SCN3A: variants seen among roughly 807,000 people sequenced by gnomAD.
SCN3A encodes the protein sodium channel protein type 3 subunit alpha.
In SCN3A, 60 loss-of-function variants were observed where a neutral mutation model predicts 187.6. That is an observed-to-expected ratio of 0.32 (90% CI 0.26 to 0.40). The LOEUF is 0.40. Among genes scored for constraint, SCN3A ranks in the 10% least tolerant of loss-of-function variants. The pLI, the probability that SCN3A is intolerant of heterozygous loss-of-function variation, is 1.00. For missense variants in SCN3A, 1,601 were observed against 2,428.2 expected, an observed-to-expected ratio of 0.66 and a Z score of 7.16; for synonymous variants, 788 against 829.2, an observed-to-expected ratio of 0.95 and a Z score of 0.85.
chr2:165,184,961 C>G (rs374838348), intron 2 of SCN3A, among the ~76,000 whole-genome samples: 2 of 151,654 alleles, frequency 1.3e-5, no homozygotes, highest in African/African-American at 2.4e-5. Flanking sequence ...GTTATTGTTC[C>G]GTTTCTATTA....
In SCN3A at chr2:165,140,745, C is replaced by T; in HGVS notation, c.1925G>A (p.Gly642Glu). The change falls in exon 13 of 28, where the codon GGG becomes GAG. Residue 642 changes from glycine to glutamate, a missense_variant. Around this residue, in one of 11 missense-constraint regions of SCN3A, gnomAD observed 376 missense variants for 476.0 expected, o/e 0.79. Coordinates refer to ENST00000283254, the MANE Select transcript of SCN3A (RefSeq NM_006922.4). The surrounding 1 kb of genome is among the most constrained non-coding windows in gnomAD (Gnocchi z 4.2). ...GCAATCCACAGTGCTGTGCATCTTC[C>T]CATTTGCTGGAAGCCCTGGCACCAT... The part of the protein sequence containing the change: ...SRMVPGLPAN[G>E]KMHSTVDCNG... 6.2e-7 allele frequency: 1 copy of T among 1,614,006 alleles called. No homozygotes were observed. The highest frequency in any genetic ancestry group is 8.5e-7 in the Non-Finnish European group (1 of 1,179,966).
Position 165,092,315 on chromosome 2 carries a change from G to T in SCN3A, c.4746C>A (p.His1582Gln). 6.2e-7 allele frequency: 1 copy of T among 1,613,970 alleles called. No individual in the cohort carries two copies. The highest frequency in any genetic ancestry group is 8.5e-7 in the Non-Finnish European group (1 of 1,179,896). The change falls in exon 27 of 28, where the codon CAC becomes CAA. Residue 1582 changes from histidine (H) to glutamine (Q), a missense_variant. By Grantham distance (24) the His-to-Gln change is conservative (BLOSUM62 0). Transcript: ENST00000283254. The surrounding 1 kb of genome is among the most constrained non-coding windows in gnomAD (Gnocchi z 4.2). Reference protein sequence around the residue: ...EFVLKLVSLRHYYFTIGWNIF... With the variant: ...EFVLKLVSLRQYYFTIGWNIF... ...TGTTCCAGCCTATAGTGAAGTAGTA[G>T]TGTCTGAGGGAGACGAGCTTCAGCA...
At chr2:165,203,759 G>A (rs963827239) in intron 1 of SCN3A, 64 bp downstream of exon 1, 2 of 151,882 alleles carry the variant, frequency 1.3e-5, no homozygotes, top group Non-Finnish European at 2.9e-5. Flanking sequence ...TGATTTTAAA[G>A]TAAGGAAAAT....
chr2:165,135,819 A>G (rs550235128), intron 15 of SCN3A, among the ~76,000 whole-genome samples: 2 of 152,124 alleles, frequency 1.3e-5, no homozygotes, highest in Non-Finnish European at 2.9e-5. Context: ...TCCTATTTTT[A>G]TGGATAGAAA....
chr2:165,201,327 T>C (rs1174376651), intron 1 of SCN3A, among the ~76,000 whole-genome samples: 1 of 152,072 alleles, frequency 6.6e-6, no homozygotes. Context: ...ATGAGAATTA[T>C]TCACTTTTCA....
chr2:165,130,377 G>A (rs1234502590), intron 16 of SCN3A, 81 bp from the exon 17 acceptor site: 1 of 1,425,122 alleles, frequency 7.0e-7, no homozygotes, highest in African/African-American at 1.4e-5. Context: ...TGGTATCATA[G>A]AACCACACGT....
At chr2:165,121,149 C>G (rs1686656069) in intron 18 of SCN3A, among the ~76,000 whole-genome samples, 1 of 151,578 alleles carries the variant, frequency 6.6e-6, no homozygotes, top group African/African-American at 2.4e-5. Flanking sequence ...TATTCACACA[C>G]CCATCTGCTC....
rs957069802 is a variant in SCN3A at position 165,130,986 on chromosome 2, A to T, written c.2565+258T>A. On this transcript the variant is annotated intron_variant, in intron 16 of 27. Transcript: ENST00000283254. ...CTGTAAGGCCAAAAAAGCTTCATAA[A>T]CTTAAAACACAGTTTTAGAAAGTAC... Among the ~76,000 whole-genome samples the T allele has an allele frequency of 5.9e-5, 9 of 152,202 alleles. No individual in the cohort carries two copies. The East Asian group carries it at 1.4e-3, about 23-fold the overall frequency.
At chr2:165,201,200 TTC>T in intron 1 of SCN3A, among the ~76,000 whole-genome samples, 1 of 152,088 alleles carries the variant, frequency 6.6e-6, no homozygotes, top group Admixed American at 6.6e-5. Context: ...AATAACTGTC[TTC>T]TGGAAGGCAT....
At chr2:165,091,587 A>G (rs1685109396) in intron 27 of SCN3A, among the ~76,000 whole-genome samples, 1 of 152,206 alleles carries the variant, frequency 6.6e-6, no homozygotes, top group South Asian at 2.1e-4. Flanking sequence ...TAGCATGGCA[A>G]TTTAAGATTA....
At chr2:165,165,347 G>T (rs1559252868) in intron 5 of SCN3A, among the ~76,000 whole-genome samples, 1 of 151,908 alleles carries the variant, frequency 6.6e-6, no homozygotes, top group Non-Finnish European at 1.5e-5. Context: ...TATTTTATAT[G>T]TGTGTGTTTG....
intron 22 of SCN3A, among the ~76,000 whole-genome samples, chr2:165,098,995 T>C (rs1392784787): frequency 1.3e-5 from 2 of 152,248 alleles, no homozygotes; most frequent in Admixed American, 6.5e-5. Context: ...GAATTTTATC[T>C]TGTCTAACTT....
intron 18 of SCN3A, among the ~76,000 whole-genome samples, chr2:165,126,970 T>TAGAG (rs1559206277): frequency 2.0e-5 from 3 of 152,238 alleles, no homozygotes; most frequent in South Asian, 4.1e-4. Context: ...AAACCTAATA[T>TAGAG]AGAGAGTAAG....
rs1344158740 is a variant in SCN3A, at chr2:165,162,836, G to A, written c.695-8C>T. On this transcript the variant is annotated splice_polypyrimidine_tract_variant and splice_region_variant and intron_variant, in intron 7 of 27. Coordinates refer to ENST00000283254, the MANE Select transcript of SCN3A (RefSeq NM_006922.4). ...CCACAATGGTCTTTAAACCTGCAGA[G>A]AGAGAACTATAGGTTACCTGAGGAA... The A allele has an allele frequency of 6.2e-7, 1 of 1,613,970 alleles. No homozygotes were observed. Among genetic ancestry groups the A allele is most frequent in the South Asian group, 1.1e-5 (1 of 91,082 alleles).
rs1685415850 is a variant in SCN3A, at chr2:165,097,542, G to C, written c.3967-18C>G. The C allele has an allele frequency of 1.9e-6, 3 of 1,612,510 alleles. No individual in the cohort carries two copies. The East Asian group carries it at 6.7e-5, about 36-fold the overall frequency. On this transcript the variant is annotated intron_variant, in intron 22 of 27. Coordinates refer to ENST00000283254, the MANE Select transcript of SCN3A (RefSeq NM_006922.4). ...ACAACCACCTAGAAGAGACAGCGAGGGGAACATAGCTTACAAACCTTTTGA... is the reference window on the plus strand; with the variant it reads ...ACAACCACCTAGAAGAGACAGCGAGCGGAACATAGCTTACAAACCTTTTGA...
chr2:165,148,318 A>T (rs1017528886), intron 11 of SCN3A, among the ~76,000 whole-genome samples: 1 of 151,444 alleles, frequency 6.6e-6, no homozygotes, highest in Non-Finnish European at 1.5e-5. Context: ...TTTTCAAGAC[A>T]TCATAAAAGA....
intron 6 of SCN3A, 83 bp downstream of exon 6, chr2:165,164,309 A>G (rs2105894820): frequency 3.2e-6 from 5 of 1,567,478 alleles, no homozygotes; most frequent in East Asian, 2.3e-5. Context: ...AAAGCTCTAC[A>G]TTTAATATAT....
Position 165,090,924 on chromosome 2 carries a change from G to A in SCN3A, c.5229C>T (p.Asn1743=), listed in dbSNP as rs1685063739. The A allele has an allele frequency of 1.2e-6, 2 of 1,614,106 alleles. No homozygotes were observed. The highest frequency in any genetic ancestry group is 8.5e-7 in the Non-Finnish European group (1 of 1,180,014). The part of the protein sequence containing the change: ...PGSSVKGDCG[N]PSVGIFFFVS... The stretch of plus-strand genomic sequence containing the variant: ...CAAAAAAGAAAATCCCAACAGATGG[G>A]TTCCCACAGTCTCCCTTAACTGAGC... Residue 1743 remains asparagine, a synonymous_variant, in exon 28 of 28, where the codon AAC becomes AAT. Coordinates refer to ENST00000283254, the MANE Select transcript of SCN3A (RefSeq NM_006922.4). The surrounding 1 kb of genome is among the most constrained non-coding windows in gnomAD (Gnocchi z 4.0).
At chr2:165,162,251 C>T in intron 9 of SCN3A, 57 bp downstream of exon 9, 1 of 1,460,596 alleles carries the variant, frequency 6.8e-7, no homozygotes, top group Non-Finnish European at 9.4e-7. Flanking sequence ...GTTTTCCTAC[C>T]TACTTTTTTT....
Sources: allele counts gnomAD v4.1 joint callset (sites outside exome capture counted in the v4.1 genomes callset), GRCh38; gene constraint gnomAD v4.1.1; regional missense constraint gnomAD v4.1.1; non-coding constraint Gnocchi (gnomAD v3.1); transcripts MANE v1.5; gene names NCBI Gene and HGNC (gene_info 2026-07-23, HGNC 2026-07-21).